NRG4: variants seen among roughly 807,000 people sequenced by gnomAD.
The protein encoded by NRG4 is neuregulin 4.
A neutral mutation model predicts 15.0 loss-of-function variants in NRG4; 10 were observed. The ratio of observed to expected loss-of-function variants is 0.67; its 90% CI spans 0.41 to 1.13. NRG4 has a LOEUF of 1.13. Ranked by LOEUF, NRG4 falls within the 50% of genes most tolerant of loss-of-function variation. The pLI, the probability that NRG4 is intolerant of heterozygous loss-of-function variation, is 0.00. For missense variants in NRG4, 139 were observed against 140.2 expected (o/e 0.99, Z 0.04); for synonymous variants, 41 against 50.1 (o/e 0.82, Z 0.77).
intron 4 of NRG4, among the ~76,000 whole-genome samples, chr15:76,049,796 C>T (rs919299748): frequency 4.0e-5 from 6 of 150,716 alleles, no homozygotes; most frequent in Admixed American, 2.0e-4. Context: ...TCCCACATTT[C>T]GGGGAACTAT....
intron 4 of NRG4, among the ~76,000 whole-genome samples, chr15:76,050,441 T>TTTG (rs1270892519): frequency 7.4e-6 from 1 of 134,338 alleles, no homozygotes; most frequent in African/African-American, 3.1e-5. Context: ...GCCTTCGTTT[T>TTTG]TTTTTTTTTT....
chr15:76,038,079 G>C (rs1051230127), intron 4 of NRG4, among the ~76,000 whole-genome samples: 2 of 152,206 alleles, frequency 1.3e-5, no homozygotes, highest in African/African-American at 4.8e-5. Context: ...TGGCTAAAGA[G>C]CCCTTGAGAC....
At chr15:75,956,052 A>G (rs2032221634) in intron 4 of NRG4, 41 bp from the exon 5 acceptor site, 1 of 1,197,284 alleles carries the variant, frequency 8.4e-7, no homozygotes, top group Non-Finnish European at 1.2e-6. Flanking sequence ...TGGAAGTGTA[A>G]TAGGAAAAGC....
At position 75,943,586 on chromosome 15, in the gene NRG4, T is replaced by C. The variant is rs1475677855; in HGVS notation, c.*52A>G. The stretch of plus-strand genomic sequence containing the variant: ...AATTCTTTTACCTAGTGGTGTTTCA[T>C]TTTCTGCCTTTGTAAAATAAAAACA... On this transcript the variant is annotated 3_prime_UTR_variant, in exon 6 of 6. Transcript: ENST00000394907. 82 of 1,231,940 alleles carry C rather than the reference T, an allele frequency of 6.7e-5. No individual in the cohort carries two copies. The highest frequency in any genetic ancestry group is 2.4e-6 in the Non-Finnish European group (2 of 839,102). The allele number at this position is 1,231,940 out of a possible 1,614,324, so 76.3% of individuals were successfully genotyped here.
chr15:75,965,249 TA>T (rs1490210148), intron 3 of NRG4, among the ~76,000 whole-genome samples: 1 of 151,914 alleles, frequency 6.6e-6, no homozygotes, highest in Non-Finnish European at 1.5e-5. Context: ...GAAAAAAAGA[TA>T]AGCCAGCTTA....
chr15:76,013,607 C>T (rs911744897), upstream of NRG4, among the ~76,000 whole-genome samples: 6 of 151,916 alleles, frequency 3.9e-5, no homozygotes, highest in African/African-American at 1.5e-4. Context: ...GTTTTCTGTT[C>T]TTGTGTTAGT....
intron 5 of NRG4, among the ~76,000 whole-genome samples, chr15:76,022,156 C>T (rs993193842): frequency 6.6e-6 from 1 of 152,096 alleles, no homozygotes; most frequent in African/African-American, 2.4e-5. Flanking sequence ...GGTCTGTGGC[C>T]CGGGTGTGGG....
intron 5 of NRG4, among the ~76,000 whole-genome samples, chr15:76,023,801 G>A (rs1461619212): frequency 2.0e-5 from 3 of 152,176 alleles, no homozygotes; most frequent in African/African-American, 7.2e-5. Context: ...TACACAGCAG[G>A]GAAACCAATT....
chr15:76,006,517 C>T (rs1336603075), intron 3 of NRG4, among the ~76,000 whole-genome samples: 1 of 152,138 alleles, frequency 6.6e-6, no homozygotes, highest in Non-Finnish European at 1.5e-5. Context: ...CTACCCCACT[C>T]CCCTACTTCA....
At chr15:76,018,872 T>C (rs1002500413) in intron 5 of NRG4, among the ~76,000 whole-genome samples, 1 of 152,198 alleles carries the variant, frequency 6.6e-6, no homozygotes, top group African/African-American at 2.4e-5. Flanking sequence ...AGAGATCCAC[T>C]GCTCTCTTCA....
intron 3 of NRG4, among the ~76,000 whole-genome samples, chr15:75,996,607 A>C (rs1372947864): frequency 6.6e-6 from 1 of 152,168 alleles, no homozygotes; most frequent in Non-Finnish European, 1.5e-5. Context: ...ACAAAATTGG[A>C]AAAAGTGCCA....
intron 2 of NRG4, among the ~76,000 whole-genome samples, chr15:76,055,275 C>A (rs2036126100): frequency 6.6e-6 from 1 of 151,988 alleles, no homozygotes; most frequent in Non-Finnish European, 1.5e-5. Context: ...AGAGCAAAGC[C>A]CTGTCTCAAA....
intron 4 of NRG4, among the ~76,000 whole-genome samples, chr15:76,043,617 T>C (rs892335103): frequency 2.0e-5 from 3 of 152,136 alleles, no homozygotes; most frequent in Admixed American, 1.3e-4. Flanking sequence ...ATGAAAACTA[T>C]ACCAATGCAA....
At chr15:75,946,729 AGCCCTGGTGACCACCATTC>A (rs1194384943) in intron 5 of NRG4, among the ~76,000 whole-genome samples, 3 of 152,180 alleles carry the variant, frequency 2.0e-5, no homozygotes, top group Non-Finnish European at 4.4e-5. Flanking sequence ...TCCTCCCGAC[AGCCCTGGTGACCACCATTC>A]TACTTTCTGT....
chr15:75,981,360 AGAG>A (rs756282990), intron 3 of NRG4, among the ~76,000 whole-genome samples: 3 of 152,156 alleles, frequency 2.0e-5, no homozygotes, highest in Non-Finnish European at 4.4e-5. Context: ...AATACCATGT[AGAG>A]GAGAACAACC....
At chr15:75,966,909 G>A (rs2032820313) in intron 3 of NRG4, among the ~76,000 whole-genome samples, 1 of 152,134 alleles carries the variant, frequency 6.6e-6, no homozygotes, top group South Asian at 2.1e-4. Context: ...AAGGTCAGGA[G>A]TTCAAGACCA....
At chr15:75,969,771 T>C (rs2033008794) in intron 3 of NRG4, among the ~76,000 whole-genome samples, 1 of 152,234 alleles carries the variant, frequency 6.6e-6, no homozygotes, top group African/African-American at 2.4e-5. Context: ...CTGAGAACAC[T>C]AATGAAGAAT....
At chr15:75,971,822 T>A (rs1369757937) in intron 3 of NRG4, among the ~76,000 whole-genome samples, 1 of 152,176 alleles carries the variant, frequency 6.6e-6, no homozygotes, top group African/African-American at 2.4e-5. Flanking sequence ...AGTGCCACAA[T>A]AAACATACGT....
chr15:75,962,806 A>T (rs1373160310), intron 3 of NRG4, among the ~76,000 whole-genome samples: 4 of 152,230 alleles, frequency 2.6e-5, no homozygotes, highest in Admixed American at 2.0e-4. Context: ...TAGCATTTAA[A>T]ATAAAAAACA....
Sources: allele counts gnomAD v4.1 joint callset (sites outside exome capture counted in the v4.1 genomes callset), GRCh38; gene constraint gnomAD v4.1.1; transcripts MANE v1.5; gene names NCBI Gene and HGNC (gene_info 2026-07-23, HGNC 2026-07-21).